The following TVP23C variants were observed in gnomAD, a reference collection of about 807,000 sequenced individuals.
The protein encoded by TVP23C is trans-golgi network vesicle protein 23 homolog C, also known as Golgi apparatus membrane protein TVP23 homolog C.
In TVP23C, 19 loss-of-function variants were observed where a neutral mutation model predicts 28.7. That is an observed-to-expected ratio of 0.66 (90% confidence interval 0.46 to 0.97). The LOEUF is 0.97. Ranked by LOEUF, TVP23C falls within the 50% of genes least tolerant of loss-of-function variation. TVP23C has a pLI of 0.00. For synonymous variants in TVP23C, 68 were observed against 81.7 expected (o/e 0.83, Z 0.90); for missense variants, 186 against 241.3 (o/e 0.77, Z 1.52).
At chr17:15,534,079 C>T (rs1983053348), downstream of TVP23C, among the ~76,000 whole-genome samples, 1 of 152,088 alleles carries the variant, frequency 6.6e-6, no homozygotes, top group African/African-American at 2.4e-5. Flanking sequence ...AATAGCCTAG[C>T]CATTAGGGCT....
chr17:15,553,144 T>C (rs1161461300), intron 3 of TVP23C, among the ~76,000 whole-genome samples: 1 of 138,286 alleles, frequency 7.2e-6, no homozygotes, highest in East Asian at 2.2e-4. Flanking sequence ...AATAGCACAC[T>C]CCTCCCACCT....
chr17:15,512,278 C>G (rs1982033242), intron 5 of TVP23C, among the ~76,000 whole-genome samples: 1 of 152,162 alleles, frequency 6.6e-6, no homozygotes, highest in Non-Finnish European at 1.5e-5. Context: ...GCCAGGATGA[C>G]AGGTTTCATT....
At chr17:15,506,810 C>T (rs908412755) in intron 5 of TVP23C, 65 of 546,658 alleles carry the variant, frequency 1.2e-4, no homozygotes, top group Non-Finnish European at 2.0e-4. Context: ...CGAGGGTCCG[C>T]GGCTTCATTC....
chr17:15,502,664 T>C (rs911036634), exon 6 of TVP23C: 9 of 921,304 alleles, frequency 9.8e-6, no homozygotes, highest in African/African-American at 5.1e-5. Flanking sequence ...GCCTCTCTTC[T>C]GCCCTTTTCC....
chr17:15,541,058 G>C (rs1036187879), intron 5 of TVP23C, among the ~76,000 whole-genome samples: 2 of 152,170 alleles, frequency 1.3e-5, no homozygotes, highest in African/African-American at 4.8e-5. Flanking sequence ...ATGCCCTAAG[G>C]CATAAATCAA....
intron 5 of TVP23C, among the ~76,000 whole-genome samples, chr17:15,518,838 C>T (rs1276145808): frequency 1.3e-5 from 2 of 152,154 alleles, no homozygotes; most frequent in Non-Finnish European, 2.9e-5. Flanking sequence ...TATGGTTTGG[C>T]TCTGTGACCT....
intron 5 of TVP23C, among the ~76,000 whole-genome samples, chr17:15,544,008 G>A (rs1461818286): frequency 6.6e-6 from 1 of 151,970 alleles, no homozygotes; most frequent in East Asian, 1.9e-4. Flanking sequence ...TGTCAGAAAG[G>A]CACAGACTCC....
At chr17:15,522,231 T>C (rs1206364050) in intron 5 of TVP23C, among the ~76,000 whole-genome samples, 1 of 152,152 alleles carries the variant, frequency 6.6e-6, no homozygotes, top group African/African-American at 2.4e-5. Context: ...TAGGAGAAAA[T>C]CTTTATGTTC....
downstream of TVP23C, among the ~76,000 whole-genome samples, chr17:15,533,047 T>C (rs183303176): frequency 2.0e-5 from 3 of 152,366 alleles, no homozygotes; most frequent in African/African-American, 4.8e-5. Context: ...GGACAGACTG[T>C]TCATCAATGA....
chr17:15,556,363 CTTT>C (rs58106297), intron 1 of TVP23C, among the ~76,000 whole-genome samples: 14 of 122,018 alleles, frequency 1.1e-4, no homozygotes, highest in Admixed American at 1.6e-4. Flanking sequence ...TTACCTTAGG[CTTT>C]TTTTTTTTTT....
chr17:15,530,385 C>A (rs1202532625), intron 5 of TVP23C, among the ~76,000 whole-genome samples: 1 of 152,082 alleles, frequency 6.6e-6, no homozygotes, highest in African/African-American at 2.4e-5. Flanking sequence ...TTAATGCCAA[C>A]CTAATTTCAA....
intron 5 of TVP23C, among the ~76,000 whole-genome samples, chr17:15,519,481 TACACACACAC>T (rs3031137): frequency 5.2e-4 from 74 of 142,936 alleles, no homozygotes; most frequent in African/African-American, 1.8e-3. Flanking sequence ...CAAATAAATA[TACACACACAC>T]ACACACACAC....
chr17:15,555,603 C>T (rs139491145), intron 1 of TVP23C, among the ~76,000 whole-genome samples: 119 of 152,318 alleles, frequency 7.8e-4, no homozygotes, highest in Non-Finnish European at 1.5e-3. Flanking sequence ...CTAGGCTGCA[C>T]CATCTGAGAA....
chr17:15,526,766 G>A (rs545597992), intron 5 of TVP23C, among the ~76,000 whole-genome samples: 2 of 152,218 alleles, frequency 1.3e-5, no homozygotes, highest in Admixed American at 1.3e-4. Flanking sequence ...GGCTTGGGGA[G>A]AAAGGCAACA....
At chr17:15,523,719 T>C in intron 5 of TVP23C, among the ~76,000 whole-genome samples, 1 of 151,452 alleles carries the variant, frequency 6.6e-6, no homozygotes, top group East Asian at 2.0e-4. Flanking sequence ...GTTCACGCCA[T>C]TCTCCTGCCT....
rs547633151 is a variant in TVP23C at position 15,539,373 on chromosome 17, G to C, written c.*1039C>G. 1.2e-5 allele frequency: 10 copies of C among 836,982 alleles called. No homozygotes were observed. The highest frequency in any genetic ancestry group is 3.7e-5 in the African/African-American group (2 of 54,080). The allele number at this position is 836,982 out of a possible 1,614,324, so 51.8% of individuals were successfully genotyped here. On this transcript the variant is annotated 3_prime_UTR_variant, in exon 6 of 6. Coordinates refer to ENST00000518321, the MANE Select transcript of TVP23C (RefSeq NM_001135036.2). ...CTGTAATCCCAGCACTTTGGGAGGC[G>C]GAGGCAGGCGGATCACGAGGTCAGG... is the stretch of plus-strand genomic sequence containing the variant.
chr17:15,529,711 A>G (rs949433503), intron 5 of TVP23C, among the ~76,000 whole-genome samples: 6 of 152,066 alleles, frequency 3.9e-5, no homozygotes, highest in Non-Finnish European at 7.4e-5. Flanking sequence ...CTGTTTCTAT[A>G]CTTTCACTTT....
At chr17:15,549,966 C>A (rs530535434) in intron 3 of TVP23C, among the ~76,000 whole-genome samples, 1 of 151,948 alleles carries the variant, frequency 6.6e-6, no homozygotes, top group Non-Finnish European at 1.5e-5. Flanking sequence ...CCAGAGGTCT[C>A]TTCTATAGGT....
In TVP23C at chr17:15,538,681, T is replaced by C; in HGVS notation, c.*1731A>G. On this transcript the variant is annotated 3_prime_UTR_variant, in exon 6 of 6. Transcript: ENST00000518321. ...CACCCAGCTGTCCAGTTTGTCTCAT[T>C]TGAGCAGACGCCGGATACCATGTAA... 1 of 985,366 alleles carries C rather than the reference T, an allele frequency of 1.0e-6. No individual in the cohort carries two copies. The highest frequency in any genetic ancestry group is 1.2e-6 in the Non-Finnish European group (1 of 829,886). 61.0% of individuals were successfully genotyped at this position (985,366 alleles called of 1,614,324 possible).
Sources: allele counts gnomAD v4.1 joint callset (sites outside exome capture counted in the v4.1 genomes callset), GRCh38; gene constraint gnomAD v4.1.1; transcripts MANE v1.5; gene names NCBI Gene and HGNC (gene_info 2026-07-23, HGNC 2026-07-21).